The following ASIC2 variants were observed in gnomAD, a reference collection of about 807,000 sequenced individuals.
ASIC2 encodes acid-sensing ion channel 2.
Under a neutral mutation model 57.3 loss-of-function variants are expected in ASIC2, and 25 were observed. The observed-to-expected ratio is 0.44, with a 90% CI of 0.32 to 0.61. The LOEUF is 0.61. Ranked by LOEUF, ASIC2 falls within the 20% of genes least tolerant of loss-of-function variation. ASIC2 has a pLI of 0.06. For synonymous variants in ASIC2, 319 were observed against 307.5 expected (o/e 1.04, Z -0.39); for missense variants, 641 against 738.1 (o/e 0.87, Z 1.52).
intron 1 of ASIC2, among the ~76,000 whole-genome samples, chr17:34,092,049 G>A (rs930344973): frequency 1.4e-5 from 2 of 142,146 alleles, no homozygotes; most frequent in Non-Finnish European, 3.0e-5. Context: ...CAACAGTGGG[G>A]AAGAAAAGAG....
chr17:33,624,969 G>A (rs1180191406), intron 1 of ASIC2, among the ~76,000 whole-genome samples: 1 of 152,220 alleles, frequency 6.6e-6, no homozygotes, highest in Non-Finnish European at 1.5e-5. Context: ...AGGCACGATA[G>A]CCAGCATGAC....
intron 1 of ASIC2, among the ~76,000 whole-genome samples, chr17:33,243,620 G>A (rs1248485770): frequency 1.3e-5 from 2 of 152,154 alleles, no homozygotes; most frequent in Admixed American, 6.5e-5. Context: ...GTGATGTTGA[G>A]GGAATTCAAC....
chr17:33,990,063 A>C (rs2142009216), intron 1 of ASIC2, among the ~76,000 whole-genome samples: 2 of 152,326 alleles, frequency 1.3e-5, no homozygotes, highest in Middle Eastern at 6.8e-3. Context: ...CTGAATGCAA[A>C]AGAATGAGAG....
At chr17:33,880,305 A>G (rs1357005535) in intron 1 of ASIC2, among the ~76,000 whole-genome samples, 6 of 152,222 alleles carry the variant, frequency 3.9e-5, no homozygotes, top group East Asian at 1.9e-4. Context: ...CAAAAAATCA[A>G]TGAATCCAGG....
intron 1 of ASIC2, among the ~76,000 whole-genome samples, chr17:33,942,956 G>C (rs2141979932): frequency 6.6e-6 from 1 of 152,286 alleles, no homozygotes; most frequent in Middle Eastern, 3.4e-3. Flanking sequence ...CAAAGTCTCA[G>C]GATGTTAACT....
At chr17:33,056,776 T>G (rs1223739609) in intron 3 of ASIC2, among the ~76,000 whole-genome samples, 1 of 152,234 alleles carries the variant, frequency 6.6e-6, no homozygotes, top group East Asian at 1.9e-4. Flanking sequence ...GCCAGTGAGC[T>G]GCTGTCATCA....
intron 1 of ASIC2, among the ~76,000 whole-genome samples, chr17:33,164,536 C>G (rs1236381620): frequency 6.6e-6 from 1 of 151,830 alleles, no homozygotes; most frequent in South Asian, 2.1e-4. Flanking sequence ...AGAGAGCTCA[C>G]CAGGCTCTCT....
chr17:33,773,546 C>G (rs183080203), intron 1 of ASIC2, among the ~76,000 whole-genome samples: 1 of 152,198 alleles, frequency 6.6e-6, no homozygotes, highest in East Asian at 1.9e-4. Flanking sequence ...GTCATTTTCT[C>G]TCTGTGGAAT....
chr17:33,836,422 T>C lies in ASIC2; in HGVS notation c.555+319556A>G, dbSNP rs544714857. Among the ~76,000 whole-genome samples, 485 of 152,200 alleles carry C rather than the reference T, an allele frequency of 3.2e-3. 2 individuals are homozygous for C. Among genetic ancestry groups the C allele is most frequent in the Non-Finnish European group, 5.1e-3 (348 of 68,004 alleles). ...GTCTTGAAATCTTGAGCACAAGTGA[T>C]CCACCTGCCTCAGCCTCCCAAAGTG... On this transcript the variant is annotated intron_variant, in intron 1 of 9. Coordinates refer to the ASIC2 transcript ENST00000359872.
chr17:33,093,805 A>G (rs989404027), intron 2 of ASIC2, among the ~76,000 whole-genome samples: 1 of 152,260 alleles, frequency 6.6e-6, no homozygotes, highest in African/African-American at 2.4e-5. Flanking sequence ...AAAATCTTTC[A>G]TCTTGGCAAA....
chr17:33,388,039 CA>C (rs1909750384), intron 1 of ASIC2, among the ~76,000 whole-genome samples: 1 of 152,116 alleles, frequency 6.6e-6, no homozygotes, highest in Admixed American at 6.5e-5. Context: ...GAGATTGAGC[CA>C]CTGCACTCCA....
chr17:33,630,452 C>A (rs923289443), intron 1 of ASIC2, among the ~76,000 whole-genome samples: 3 of 152,126 alleles, frequency 2.0e-5, no homozygotes, highest in African/African-American at 7.2e-5. Context: ...TCCCTGTCCT[C>A]CCCGGAGAAA....
At chr17:33,246,586 G>A (rs1908696715) in intron 1 of ASIC2, among the ~76,000 whole-genome samples, 1 of 152,186 alleles carries the variant, frequency 6.6e-6, no homozygotes, top group Admixed American at 6.5e-5. Flanking sequence ...GGCGCGGCGG[G>A]GTTCACCCCT....
intron 3 of ASIC2, among the ~76,000 whole-genome samples, chr17:33,080,213 G>T (rs116100236): frequency 5.9e-5 from 9 of 152,086 alleles, no homozygotes; most frequent in African/African-American, 2.2e-4. Context: ...GGGCAGGGAG[G>T]TGAAAGGAAG....
intron 1 of ASIC2, among the ~76,000 whole-genome samples, chr17:33,263,251 G>A (rs929549090): frequency 2.0e-5 from 3 of 152,240 alleles, no homozygotes; most frequent in South Asian, 2.1e-4. Flanking sequence ...TGATTCACCC[G>A]CTGTCTCTCT....
chr17:33,591,173 C>G (rs1597799918), intron 1 of ASIC2, among the ~76,000 whole-genome samples: 1 of 152,338 alleles, frequency 6.6e-6, no homozygotes, highest in East Asian at 1.9e-4. Context: ...TTTGGGAAAG[C>G]TGTCTTTCAG....
intron 1 of ASIC2, among the ~76,000 whole-genome samples, chr17:34,053,459 T>C (rs1328948828): frequency 6.6e-6 from 1 of 152,166 alleles, no homozygotes; most frequent in South Asian, 2.1e-4. Context: ...TTTCCCAGGT[T>C]ATAAGCAGAG....
intron 1 of ASIC2, among the ~76,000 whole-genome samples, chr17:33,313,623 T>C (rs979758796): frequency 1.3e-5 from 2 of 152,162 alleles, no homozygotes; most frequent in Non-Finnish European, 2.9e-5. Flanking sequence ...ACTCCTCTGG[T>C]TATTATGACA....
chr17:33,950,794 G>A (rs1462585723), intron 1 of ASIC2, among the ~76,000 whole-genome samples: 1 of 152,230 alleles, frequency 6.6e-6, no homozygotes, highest in Non-Finnish European at 1.5e-5. Flanking sequence ...GGGTGGTCCT[G>A]AAGGCAGCTC....
Sources: gnomAD v4.1 joint callset for allele counts (sites outside exome capture counted in the v4.1 genomes callset) on GRCh38, gnomAD v4.1.1 for gene constraint, MANE v1.5 for transcripts, NCBI Gene and HGNC (gene_info 2026-07-23, HGNC 2026-07-21) for gene names.